Variants in XPO1 observed in about 807,000 individuals in gnomAD.
XPO1 encodes exportin-1.
Under a neutral mutation model 133.3 loss-of-function variants are expected in XPO1, and 5 were observed. That is an observed-to-expected ratio of 0.04 (90% CI 0.02 to 0.08). The LOEUF is 0.08. Among genes scored for constraint, XPO1 ranks in the 10% least tolerant of loss-of-function variants. The pLI, the probability that XPO1 is intolerant of heterozygous loss-of-function variation, is 1.00. For synonymous variants in XPO1, 419 were observed against 408.2 expected (o/e 1.03, Z -0.32); for missense variants, 506 against 1,267.5 (o/e 0.40, Z 9.12).
chr2:61,505,976 C>T (rs1037783862), intron 4 of XPO1, among the ~76,000 whole-genome samples: 1 of 152,152 alleles, frequency 6.6e-6, no homozygotes, highest in Non-Finnish European at 1.5e-5. Context: ...AGATTATTAT[C>T]AATAAAACCC....
At chr2:61,528,771 A>G (rs1457063463) in intron 2 of XPO1, among the ~76,000 whole-genome samples, 1 of 84,760 alleles carries the variant, frequency 1.2e-5, no homozygotes, top group Non-Finnish European at 2.4e-5. Flanking sequence ...ATATATATAT[A>G]TATATATATA....
At chr2:61,481,136 G>C (rs1307543884) in intron 24 of XPO1, 49 bp downstream of exon 24, 2 of 1,194,818 alleles carry the variant, frequency 1.7e-6, no homozygotes, top group Non-Finnish European at 1.2e-6. Flanking sequence ...TAACATAAAA[G>C]TGGTCACATC....
At chr2:61,498,015 TATTC>T in intron 9 of XPO1, among the ~76,000 whole-genome samples, 1 of 152,370 alleles carries the variant, frequency 6.6e-6, no homozygotes, top group South Asian at 2.1e-4. Flanking sequence ...ATACTTAATT[TATTC>T]ATTATATCAG....
Position 61,538,272 on chromosome 2 carries a change from C to A in XPO1, c.-717G>T. On this transcript the variant is annotated 5_prime_UTR_variant, in exon 1 of 25. Transcript: ENST00000401558. ...CCCCCTCCTCCTAGTGCCTCAAACT[C>A]GGAACCGGTTGAAACCGGTTCAGAC... is the stretch of plus-strand genomic sequence containing the variant. 6.3e-6 allele frequency: 1 copy of A among 158,380 alleles called. No homozygotes were observed. The highest frequency in any genetic ancestry group is 1.4e-5 in the Non-Finnish European group (1 of 71,814). 9.8% of individuals were successfully genotyped at this position (158,380 alleles called of 1,614,324 possible).
chr2:61,501,969 A>C, intron 6 of XPO1, 27 bp downstream of exon 6: 1 of 1,555,178 alleles, frequency 6.4e-7, no homozygotes, highest in Non-Finnish European at 8.8e-7. Flanking sequence ...TAATTCTTCT[A>C]AGGAAAACAG....
In XPO1 at chr2:61,493,984, T is replaced by C. The variant is rs749132251; in HGVS notation, c.1155A>G (p.Pro385=). ...GCAACGGAGAGGCAGATGTAGAGAATGGACTCTCTCTATAGAGTTCAGCAG... is the reference window on the plus strand; with the variant it reads ...GCAACGGAGAGGCAGATGTAGAGAACGGACTCTCTCTATAGAGTTCAGCAG... The part of the protein sequence containing the change: ...HLAAELYRES[P]FSTSASPLLS... Residue 385 remains proline (P), a synonymous_variant, in exon 12 of 25, where the codon CCA becomes CCG. Transcript: ENST00000401558. The C allele has an allele frequency of 2.4e-5, 38 of 1,613,964 alleles. No homozygotes were observed. Among genetic ancestry groups the C allele is most frequent in the Non-Finnish European group, 2.9e-5 (34 of 1,180,002 alleles).
At chr2:61,507,257 AAAG>A (rs1697872911) in intron 4 of XPO1, among the ~76,000 whole-genome samples, 1 of 150,120 alleles carries the variant, frequency 6.7e-6, no homozygotes, top group Non-Finnish European at 1.5e-5. Flanking sequence ...AAAAAAAAAA[AAAG>A]AGTGAAGAAA....
intron 12 of XPO1, chr2:61,493,411 A>G (rs1697088773): frequency 5.2e-6 from 1 of 193,630 alleles, no homozygotes; most frequent in Non-Finnish European, 1.1e-5. Context: ...GGAGGCTGAC[A>G]CAAGAGAATT....
chr2:61,482,933 A>AT (rs1696473747), intron 22 of XPO1, 24 bp downstream of exon 22: 1 of 1,612,928 alleles, frequency 6.2e-7, no homozygotes, highest in Non-Finnish European at 8.5e-7. Flanking sequence ...GGCACTTAAC[A>AT]TTTAAATCGT....
At chr2:61,487,686 C>G (rs1017068514) in intron 19 of XPO1, among the ~76,000 whole-genome samples, 1 of 152,142 alleles carries the variant, frequency 6.6e-6, no homozygotes, top group Admixed American at 6.6e-5. Flanking sequence ...TTGAGGCATA[C>G]GCAGCTGGTT....
intron 17 of XPO1, among the ~76,000 whole-genome samples, chr2:61,489,432 C>T (rs1394229879): frequency 6.7e-6 from 1 of 150,374 alleles, no homozygotes; most frequent in African/African-American, 2.4e-5. Context: ...AAAAAATCCA[C>T]ATAATTACCA....
intron 4 of XPO1, among the ~76,000 whole-genome samples, chr2:61,511,068 C>T (rs1009413747): frequency 1.3e-5 from 2 of 151,964 alleles, no homozygotes; most frequent in Non-Finnish European, 2.9e-5. Context: ...TTACATTAAC[C>T]AGAAATGGAA....
chr2:61,500,975 CTT>C (rs1346575313), intron 6 of XPO1, among the ~76,000 whole-genome samples: 1 of 152,144 alleles, frequency 6.6e-6, no homozygotes, highest in Non-Finnish European at 1.5e-5. Flanking sequence ...CCTGAATAAA[CTT>C]TTAACCAAAA....
intron 6 of XPO1, 98 bp downstream of exon 6, chr2:61,501,898 G>T: frequency 9.8e-7 from 1 of 1,024,176 alleles, no homozygotes; most frequent in Non-Finnish European, 1.4e-6. Context: ...CACTACTTCT[G>T]CAAAATATTA....
rs953589112 is a variant in XPO1 at position 61,510,340 on chromosome 2, C to G, written c.302-8030G>C. ...GAAAGATGGTCAATAAAATAGTGATCTGCTCTCTTTACTTACACAAGGGTA... is the reference window on the plus strand; with the variant it reads ...GAAAGATGGTCAATAAAATAGTGATGTGCTCTCTTTACTTACACAAGGGTA... On this transcript the variant is annotated intron_variant, in intron 4 of 24. Transcript: ENST00000401558. Among the ~76,000 whole-genome samples, 36 of 152,144 alleles carry G rather than the reference C, an allele frequency of 2.4e-4. 1 individual carries two copies. Among genetic ancestry groups the G allele is most frequent in the Admixed American group, 2.1e-3 (32 of 15,260 alleles).
chr2:61,499,590 C>A (rs950645888), intron 7 of XPO1, 123 bp downstream of exon 7: 2 of 960,852 alleles, frequency 2.1e-6, no homozygotes, highest in Non-Finnish European at 3.0e-6. Flanking sequence ...CAGTTGAAAA[C>A]CACTACAAGC....
intron 4 of XPO1, among the ~76,000 whole-genome samples, chr2:61,510,307 G>T (rs564704077): frequency 6.6e-6 from 1 of 152,152 alleles, no homozygotes; most frequent in Non-Finnish European, 1.5e-5. Flanking sequence ...ACACAAAATC[G>T]ATCTTTTGAA....
At chr2:61,518,418 ACACACACAC>A (rs1698514087) in intron 4 of XPO1, among the ~76,000 whole-genome samples, 1 of 4,370 alleles carries the variant, frequency 2.3e-4, no homozygotes, top group African/African-American at 2.7e-3. Context: ...AAAAAACAAA[ACACACACAC>A]ACACACACAC....
intron 3 of XPO1, 155 bp downstream of exon 3, chr2:61,526,265 G>A (rs756390003): frequency 2.6e-5 from 38 of 1,435,918 alleles, no homozygotes; most frequent in Non-Finnish European, 3.3e-5. Context: ...CTATTTGCAA[G>A]AATTAATTAT....
Sources: allele counts gnomAD v4.1 joint callset (sites outside exome capture counted in the v4.1 genomes callset), GRCh38; gene constraint gnomAD v4.1.1; transcripts MANE v1.5; gene names NCBI Gene and HGNC (gene_info 2026-07-23, HGNC 2026-07-21).